Variants in CSMD1 observed in about 807,000 individuals in gnomAD.
CSMD1 encodes CUB and sushi domain-containing protein 1.
In CSMD1, 213 loss-of-function variants were observed where a neutral mutation model predicts 417.5. The ratio of observed to expected loss-of-function variants is 0.51; its 90% confidence interval spans 0.46 to 0.57. The LOEUF (loss-of-function observed/expected upper bound fraction) is 0.57. CSMD1 is among the 20% of genes least tolerant of loss of function. The pLI, the probability that CSMD1 is intolerant of heterozygous loss-of-function variation, is 0.00. For missense variants in CSMD1, 6,923 were observed against 4,529.7 expected (o/e 1.53, Z -15.17); for synonymous variants, 2,862 against 1,736.8 (o/e 1.65, Z -16.11).
intron 7 of CSMD1, among the ~76,000 whole-genome samples, chr8:3,701,019 T>A (rs1251323259): frequency 6.7e-6 from 1 of 150,142 alleles, no homozygotes; most frequent in African/African-American, 2.5e-5. Flanking sequence ...GAGAAAGGCT[T>A]GGGATATGTC....
At chr8:3,215,067 C>G (rs1449926634) in intron 29 of CSMD1, among the ~76,000 whole-genome samples, 1 of 152,136 alleles carries the variant, frequency 6.6e-6, no homozygotes, top group Non-Finnish European at 1.5e-5. Flanking sequence ...GGTTCATTTT[C>G]TAACTTTTGT....
intron 1 of CSMD1, among the ~76,000 whole-genome samples, chr8:4,649,756 G>A (rs563821424): frequency 6.6e-6 from 1 of 152,168 alleles, no homozygotes; most frequent in Non-Finnish European, 1.5e-5. Flanking sequence ...CTCTATTTGT[G>A]TAGGCATTTC....
intron 3 of CSMD1, among the ~76,000 whole-genome samples, chr8:4,325,921 C>T (rs1280374999): frequency 1.3e-5 from 2 of 152,164 alleles, no homozygotes; most frequent in Non-Finnish European, 1.5e-5. Context: ...GATTTACATG[C>T]TGGCTGGGGC....
At chr8:3,354,811 C>CTA (rs56109088) in intron 21 of CSMD1, among the ~76,000 whole-genome samples, 32,881 of 146,446 alleles carry the variant, frequency 0.22, 4,167 homozygotes, top group East Asian at 0.4. Flanking sequence ...CTCTCTCTCT[C>CTA]TATATATATC....
chr8:3,432,227 A>T (rs1304969742), intron 12 of CSMD1, among the ~76,000 whole-genome samples: 2 of 152,180 alleles, frequency 1.3e-5, no homozygotes, highest in Non-Finnish European at 2.9e-5. Context: ...ATGACTATGG[A>T]AAAATAAAAC....
chr8:4,308,251 TA>T (rs1355780785), intron 3 of CSMD1, among the ~76,000 whole-genome samples: 3 of 151,832 alleles, frequency 2.0e-5, no homozygotes, highest in African/African-American at 7.3e-5. Flanking sequence ...TAGTTTTTTT[TA>T]TGTGTGTGTG....
At chr8:4,020,001 C>G (rs1233594153) in intron 4 of CSMD1, among the ~76,000 whole-genome samples, 1 of 151,528 alleles carries the variant, frequency 6.6e-6, no homozygotes, top group Non-Finnish European at 1.5e-5. Context: ...AACTGTTTGC[C>G]ATTCCGCTCT....
chr8:4,650,377 A>G (rs932218934), intron 1 of CSMD1, among the ~76,000 whole-genome samples: 3 of 150,706 alleles, frequency 2.0e-5, no homozygotes, highest in Non-Finnish European at 3.0e-5. Flanking sequence ...AAAAAAATCA[A>G]TGAAAACAAT....
intron 1 of CSMD1, among the ~76,000 whole-genome samples, chr8:4,918,279 G>C (rs1362910180): frequency 1.3e-5 from 2 of 152,154 alleles, no homozygotes; most frequent in East Asian, 1.9e-4. Flanking sequence ...TTCTGGGACA[G>C]ACTTATTTTT....
chr8:3,676,813 T>A (rs1226773593), intron 7 of CSMD1, among the ~76,000 whole-genome samples: 1 of 152,132 alleles, frequency 6.6e-6, no homozygotes, highest in Admixed American at 6.6e-5. Context: ...ATGTGGCACA[T>A]ACACACCATG....
intron 1 of CSMD1, among the ~76,000 whole-genome samples, chr8:4,887,780 T>C (rs1803853572): frequency 6.6e-6 from 1 of 152,102 alleles, no homozygotes; most frequent in Non-Finnish European, 1.5e-5. Context: ...TTTTTTTAAA[T>C]GTCTCACTTC....
chr8:4,573,771 C>G (rs1357485520), intron 2 of CSMD1, among the ~76,000 whole-genome samples: 2 of 152,212 alleles, frequency 1.3e-5, no homozygotes, highest in Non-Finnish European at 2.9e-5. Flanking sequence ...GGAATTTTAT[C>G]TATGAGCCGC....
rs530357652 is a variant in CSMD1, at chr8:3,891,675, C to A, written c.818+106228G>T. Among the ~76,000 whole-genome samples the A allele has an allele frequency of 2.1e-3, 270 of 130,502 alleles. 2 individuals are homozygous for A. The highest frequency in any genetic ancestry group is 1.9e-3 in the Non-Finnish European group (111 of 58,222). The allele number at this position is 130,502 out of a possible 152,430, so 85.6% of individuals were successfully genotyped here. A position where few individuals can be genotyped will look rare whatever the true frequency, so the allele number is the denominator to read the frequency against. Reference sequence around the variant, plus strand: ...TAGAGCCTAGGTGACAAAGCAAGACCTTGTCTCAAAACGAAAAAAAAAGGA... The same window carrying A: ...TAGAGCCTAGGTGACAAAGCAAGACATTGTCTCAAAACGAAAAAAAAAGGA... On this transcript the variant is annotated intron_variant, in intron 5 of 69. Transcript: ENST00000635120.
chr8:4,827,817 A>G (rs1413374542), intron 1 of CSMD1, among the ~76,000 whole-genome samples: 1 of 152,170 alleles, frequency 6.6e-6, no homozygotes, highest in African/African-American at 2.4e-5. Flanking sequence ...TTTTTACTGT[A>G]ATCTACAGGT....
intron 68 of CSMD1, 132 bp from the exon 69 acceptor site, chr8:2,942,736 G>A: frequency 1.6e-6 from 1 of 642,926 alleles, no homozygotes; most frequent in Non-Finnish European, 2.5e-6. Context: ...GAAACCAAAT[G>A]ATATTCTTTT....
At chr8:4,289,644 G>T (rs1490130271) in intron 3 of CSMD1, among the ~76,000 whole-genome samples, 2 of 152,274 alleles carry the variant, frequency 1.3e-5, no homozygotes, top group South Asian at 2.1e-4. Context: ...GAGTAGAGCA[G>T]CTGTCCATGG....
intron 4 of CSMD1, among the ~76,000 whole-genome samples, chr8:4,011,630 C>A (rs1054215291): frequency 6.6e-6 from 1 of 152,164 alleles, no homozygotes; most frequent in African/African-American, 2.4e-5. Context: ...CATCCATTTC[C>A]TCATCCTTGA....
At chr8:3,445,795 G>A (rs924928717) in intron 12 of CSMD1, among the ~76,000 whole-genome samples, 12 of 152,186 alleles carry the variant, frequency 7.9e-5, no homozygotes, top group Admixed American at 5.9e-4. Flanking sequence ...TTTGAGAAAA[G>A]ACAAAACATA....
rs143804496 is a variant in CSMD1 at position 4,009,931 on chromosome 8, G to A, written c.611-11821C>T. Among the ~76,000 whole-genome samples the A allele has an allele frequency of 4.2e-3, 633 of 151,770 alleles. 3 individuals carry two copies. The highest frequency in any genetic ancestry group is 0.012 in the South Asian group (56 of 4,800). ...GCAAAAAGCCCTGGTCTCCTCTGTC[G>A]CCCTTTATCCCTCCAACTCTCATCC... On this transcript the variant is annotated intron_variant, in intron 4 of 69. Coordinates refer to ENST00000635120, the MANE Select transcript of CSMD1 (RefSeq NM_033225.6).
Sources: gnomAD v4.1 joint callset for allele counts (sites outside exome capture counted in the v4.1 genomes callset) on GRCh38, gnomAD v4.1.1 for gene constraint, MANE v1.5 for transcripts, NCBI Gene and HGNC (gene_info 2026-07-23, HGNC 2026-07-21) for gene names.